The following ZNF804A variants were observed in gnomAD, a reference collection of about 807,000 sequenced individuals.
ZNF804A encodes the protein zinc finger protein 804A.
ZNF804A carries 2 observed loss-of-function variants against 16.5 expected under a neutral mutation model. The observed-to-expected ratio is 0.12, with a 90% confidence interval of 0.05 to 0.38. The LOEUF (loss-of-function observed/expected upper bound fraction) is 0.38. Ranked by LOEUF, ZNF804A falls within the 10% of genes least tolerant of loss-of-function variation. ZNF804A has a pLI of 0.99. For synonymous variants in ZNF804A, 534 were observed against 489.6 expected (o/e 1.09, Z -1.20); for missense variants, 1,473 against 1,390.7 (o/e 1.06, Z -0.94).
intron 1 of ZNF804A, among the ~76,000 whole-genome samples, chr2:184,631,975 G>C (rs1247862801): frequency 6.6e-6 from 1 of 152,108 alleles, no homozygotes; most frequent in Non-Finnish European, 1.5e-5. Context: ...CAAACATAGA[G>C]AAGCTGGCCT....
At chr2:184,766,818 G>C (rs1694136582) in intron 1 of ZNF804A, among the ~76,000 whole-genome samples, 1 of 152,074 alleles carries the variant, frequency 6.6e-6, no homozygotes, top group East Asian at 1.9e-4. Flanking sequence ...AGCCTGCCTT[G>C]AGCTGAACTG....
At chr2:184,826,169 C>A (rs1159403573) in intron 1 of ZNF804A, among the ~76,000 whole-genome samples, 1 of 152,126 alleles carries the variant, frequency 6.6e-6, no homozygotes, top group Non-Finnish European at 1.5e-5. Context: ...CAAGCATGAG[C>A]AACCGAGCCC....
chr2:184,734,318 C>T (rs187056203), intron 1 of ZNF804A, among the ~76,000 whole-genome samples: 17 of 151,994 alleles, frequency 1.1e-4, no homozygotes, highest in Admixed American at 2.6e-4. Context: ...TGTAAATTAC[C>T]GTCTAAACAC....
chr2:184,759,019 T>A (rs1383743975), intron 1 of ZNF804A, among the ~76,000 whole-genome samples: 1 of 151,710 alleles, frequency 6.6e-6, no homozygotes, highest in African/African-American at 2.4e-5. Context: ...CATATATTTA[T>A]GTTATATGTA....
chr2:184,655,978 A>C (rs1692068851), intron 1 of ZNF804A, among the ~76,000 whole-genome samples: 2 of 152,176 alleles, frequency 1.3e-5, no homozygotes, highest in African/African-American at 4.8e-5. Flanking sequence ...TTGATTAATA[A>C]TTATTAATCT....
chr2:184,934,174 A>G (rs1035097061), intron 3 of ZNF804A, among the ~76,000 whole-genome samples: 9 of 152,260 alleles, frequency 5.9e-5, no homozygotes, highest in Non-Finnish European at 1.2e-4. Context: ...AAAAAGGATA[A>G]GAATTTTGCT....
chr2:184,892,716 C>T (rs1157779121), intron 2 of ZNF804A, among the ~76,000 whole-genome samples: 4 of 152,046 alleles, frequency 2.6e-5, no homozygotes, highest in Admixed American at 6.6e-5. Context: ...CTCCTGATCT[C>T]AGGTGATCCA....
At chr2:184,874,789 T>G (rs1696027976) in intron 2 of ZNF804A, among the ~76,000 whole-genome samples, 1 of 152,182 alleles carries the variant, frequency 6.6e-6, no homozygotes, top group Non-Finnish European at 1.5e-5. Context: ...TCTGTCACAC[T>G]TATGTTCTTA....
At chr2:184,746,363 A>T (rs1016442878) in intron 1 of ZNF804A, among the ~76,000 whole-genome samples, 1 of 151,358 alleles carries the variant, frequency 6.6e-6, no homozygotes, top group Admixed American at 6.6e-5. Flanking sequence ...CCTCTAACAG[A>T]TTATATTCGC....
intron 1 of ZNF804A, among the ~76,000 whole-genome samples, chr2:184,688,590 T>G (rs1692678120): frequency 6.6e-6 from 1 of 152,132 alleles, no homozygotes; most frequent in Non-Finnish European, 1.5e-5. Context: ...TCCCACAATT[T>G]TATGATTTAC....
At chr2:184,648,165 C>T (rs1035922586) in intron 1 of ZNF804A, among the ~76,000 whole-genome samples, 1 of 152,058 alleles carries the variant, frequency 6.6e-6, no homozygotes, top group African/African-American at 2.4e-5. Context: ...CTAAACTAAG[C>T]TTCATAAATG....
At chr2:184,770,981 T>A (rs1026531614) in intron 1 of ZNF804A, among the ~76,000 whole-genome samples, 1 of 152,048 alleles carries the variant, frequency 6.6e-6, no homozygotes, top group Admixed American at 6.6e-5. Context: ...CAGAGCAACA[T>A]AACTCGAACA....
At chr2:184,903,358 A>C (rs1048914014) in intron 2 of ZNF804A, among the ~76,000 whole-genome samples, 1 of 152,130 alleles carries the variant, frequency 6.6e-6, no homozygotes, top group African/African-American at 2.4e-5. Context: ...TCTATGTTTA[A>C]GTATGTTTAA....
At chr2:184,709,073 G>A (rs1399834094) in intron 1 of ZNF804A, among the ~76,000 whole-genome samples, 1 of 152,026 alleles carries the variant, frequency 6.6e-6, no homozygotes, top group East Asian at 1.9e-4. Context: ...TATTACTTCA[G>A]TGATTCTACC....
intron 2 of ZNF804A, among the ~76,000 whole-genome samples, chr2:184,889,824 T>A (rs779911114): frequency 2.6e-5 from 4 of 152,056 alleles, no homozygotes; most frequent in Non-Finnish European, 5.9e-5. Flanking sequence ...AATTCAAAAA[T>A]CTATTGAAAC....
rs1685807839 is a variant in ZNF804A, at chr2:184,937,269, A to C, written c.1873A>C (p.Ser625Arg). 1 of 1,613,786 alleles carries C rather than the reference A, an allele frequency of 6.2e-7. No homozygotes were observed. The highest frequency in any genetic ancestry group is 1.3e-5 in the African/African-American group (1 of 74,934). Residue 625 changes from serine to arginine, a missense_variant, in exon 4 of 4, where the codon AGT (serine) becomes CGT (arginine). Coordinates refer to ENST00000302277, the MANE Select transcript of ZNF804A (RefSeq NM_194250.2). ...TCGCTGCAAAATGGAAGCAGAGAATAGTTACACTGAAAATGCTGGGAAATA... is the reference window on the plus strand; with the variant it reads ...TCGCTGCAAAATGGAAGCAGAGAATCGTTACACTGAAAATGCTGGGAAATA... ...ETRCKMEAEN[S>R]YTENAGKYLL...
At chr2:184,631,115 T>C (rs1263836948) in intron 1 of ZNF804A, among the ~76,000 whole-genome samples, 5 of 152,268 alleles carry the variant, frequency 3.3e-5, no homozygotes, top group Admixed American at 3.3e-4. Flanking sequence ...GTTTATTTAT[T>C]TTGTGAAATA....
intron 1 of ZNF804A, among the ~76,000 whole-genome samples, chr2:184,858,295 G>A (rs1239073821): frequency 6.6e-6 from 1 of 151,830 alleles, no homozygotes; most frequent in Non-Finnish European, 1.5e-5. Context: ...CCTGAGGTCT[G>A]GAGTTCAAGA....
At chr2:184,700,883 A>T (rs1319247530) in intron 1 of ZNF804A, among the ~76,000 whole-genome samples, 1 of 151,974 alleles carries the variant, frequency 6.6e-6, no homozygotes, top group African/African-American at 2.4e-5. Context: ...AGGAGTTCTG[A>T]TATATGTATT....
Sources: gnomAD v4.1 joint callset for allele counts (sites outside exome capture counted in the v4.1 genomes callset) on GRCh38, gnomAD v4.1.1 for gene constraint, MANE v1.5 for transcripts, NCBI Gene and HGNC (gene_info 2026-07-23, HGNC 2026-07-21) for gene names.